The following ASTN2 variants were observed in gnomAD, a reference collection of about 807,000 sequenced individuals.
The protein encoded by ASTN2 is astrotactin-2.
A neutral mutation model predicts 139.8 loss-of-function variants in ASTN2; 54 were observed. The observed-to-expected ratio is 0.39, with a 90% confidence interval of 0.31 to 0.48. The LOEUF (loss-of-function observed/expected upper bound fraction) is 0.48. Among genes scored for constraint, ASTN2 ranks in the 20% least tolerant of loss-of-function variants. ASTN2 has a pLI of 0.95. For missense variants in ASTN2, 1,565 were observed against 1,725.1 expected, an observed-to-expected ratio of 0.91 and a Z score of 1.64; for synonymous variants, 756 against 719.5, an observed-to-expected ratio of 1.05 and a Z score of -0.81.
chr9:116,621,879 A>G (rs1856174384), intron 17 of ASTN2, among the ~76,000 whole-genome samples: 1 of 152,196 alleles, frequency 6.6e-6, no homozygotes. Flanking sequence ...TTGGGCTCTG[A>G]TGTAGAAGAT....
At chr9:116,855,103 A>C (rs1411810451) in intron 11 of ASTN2, among the ~76,000 whole-genome samples, 1 of 152,180 alleles carries the variant, frequency 6.6e-6, no homozygotes, top group Non-Finnish European at 1.5e-5. Context: ...AGACCCAGCA[A>C]ATCCAAGTCC....
chr9:116,664,331 T>C (rs1858737099), intron 16 of ASTN2, among the ~76,000 whole-genome samples: 2 of 151,500 alleles, frequency 1.3e-5, no homozygotes, highest in Admixed American at 1.3e-4. Context: ...TCCACCCTCC[T>C]TGGCCTCCCA....
At chr9:117,288,089 C>A (rs941835640) in intron 2 of ASTN2, among the ~76,000 whole-genome samples, 2 of 152,174 alleles carry the variant, frequency 1.3e-5, no homozygotes, top group East Asian at 3.8e-4. Flanking sequence ...CTGCATCCTG[C>A]CACCTGCACA....
At position 117,082,517 on chromosome 9, in the gene ASTN2, C is replaced by T. The variant is rs139935376; in HGVS notation, c.1276+13527G>A. On this transcript the variant is annotated intron_variant, in intron 5 of 22. Coordinates refer to ENST00000313400, the MANE Select transcript of ASTN2 (RefSeq NM_001365068.1). ...TGTAGAAAGTGTGATCTTCCTAAAACAGAAATGAAATAATAGATCCCTTCC... is the reference window on the plus strand; with the variant it reads ...TGTAGAAAGTGTGATCTTCCTAAAATAGAAATGAAATAATAGATCCCTTCC... Among the ~76,000 whole-genome samples the T allele has an allele frequency of 3.4e-3, 515 of 152,302 alleles. 1 individual carries two copies. The highest frequency in any genetic ancestry group is 0.012 in the African/African-American group (489 of 41,572).
At chr9:117,148,059 A>T (rs1444608676) in intron 3 of ASTN2, among the ~76,000 whole-genome samples, 1 of 152,086 alleles carries the variant, frequency 6.6e-6, no homozygotes, top group Admixed American at 6.6e-5. Context: ...ATGCCAGTGG[A>T]CCCTTGCTCA....
chr9:116,553,391 GT>G (rs1383190107), intron 19 of ASTN2, among the ~76,000 whole-genome samples: 1 of 152,132 alleles, frequency 6.6e-6, no homozygotes. Flanking sequence ...GTCACTGCTT[GT>G]TTTCCTTAAC....
chr9:116,632,816 T>G (rs1274689449), intron 17 of ASTN2, among the ~76,000 whole-genome samples: 1 of 152,232 alleles, frequency 6.6e-6, no homozygotes, highest in African/African-American at 2.4e-5. Flanking sequence ...TGACAACATA[T>G]CTGTTAGTGG....
intron 2 of ASTN2, among the ~76,000 whole-genome samples, chr9:117,246,114 A>G (rs1022383787): frequency 2.6e-5 from 4 of 151,422 alleles, no homozygotes; most frequent in African/African-American, 9.7e-5. Flanking sequence ...CACTGAACTA[A>G]GAGGCAAAAG....
intron 13 of ASTN2, among the ~76,000 whole-genome samples, chr9:116,774,400 T>C (rs1394205592): frequency 1.3e-5 from 2 of 152,182 alleles, no homozygotes; most frequent in Non-Finnish European, 2.9e-5. Flanking sequence ...AAGTAAGCTA[T>C]TTGGGAGTGG....
chr9:116,850,979 C>T (rs895158710), intron 11 of ASTN2, among the ~76,000 whole-genome samples: 1 of 152,178 alleles, frequency 6.6e-6, no homozygotes, highest in African/African-American at 2.4e-5. Flanking sequence ...ACTATGGACT[C>T]TTTGCTAGTT....
intron 19 of ASTN2, among the ~76,000 whole-genome samples, chr9:116,529,193 C>T (rs1851219319): frequency 1.3e-5 from 2 of 152,074 alleles, no homozygotes; most frequent in Admixed American, 6.6e-5. Flanking sequence ...GGGGGCTTAC[C>T]CTGCAGAGCC....
At chr9:117,089,717 T>C (rs531729383) in intron 5 of ASTN2, among the ~76,000 whole-genome samples, 1 of 145,794 alleles carries the variant, frequency 6.9e-6, no homozygotes, top group Non-Finnish European at 1.5e-5. Flanking sequence ...GTCCATTGTA[T>C]TCTTCTTATG....
In ASTN2 at chr9:117,128,353, C is replaced by A. The variant is rs139444002; in HGVS notation, c.1168+12973G>T. Reference sequence around the variant, plus strand: ...CCATCACTGCACTCCAGCCTGGTGACAGAGTGAGACACTGTCTCAAAAAAA... The same window carrying A: ...CCATCACTGCACTCCAGCCTGGTGAAAGAGTGAGACACTGTCTCAAAAAAA... On this transcript the variant is annotated intron_variant, in intron 4 of 22. Coordinates refer to ENST00000313400, the MANE Select transcript of ASTN2 (RefSeq NM_001365068.1). Among the ~76,000 whole-genome samples the A allele has an allele frequency of 3.9e-3, 412 of 106,470 alleles. 8 individuals are homozygous for A. The East Asian group carries it at 0.074, about 19-fold the overall frequency. 69.8% of individuals were successfully genotyped at this position (106,470 alleles called of 152,430 possible). A position where few individuals can be genotyped will look rare whatever the true frequency, so the allele number is the denominator to read the frequency against.
At chr9:117,042,985 C>G (rs1228234012) in intron 5 of ASTN2, among the ~76,000 whole-genome samples, 1 of 152,120 alleles carries the variant, frequency 6.6e-6, no homozygotes, top group Non-Finnish European at 1.5e-5. Context: ...ATTCTCCTGC[C>G]TCAGCCTCCC....
rs1191069530 is a variant in ASTN2 at position 117,092,233 on chromosome 9, TG to T, written c.1276+3810del. ...TATTGTGTCTTTCTTCTCCCAAAGC[TG>T]GGATAATCTGAAACGCTCAGTTCAA... On this transcript the variant is annotated intron_variant, in intron 5 of 22. Transcript: ENST00000313400. 4.6e-5 allele frequency among the ~76,000 whole-genome samples: 7 copies of T among 152,256 alleles called. No individual in the cohort carries two copies. The East Asian group carries it at 1.4e-3, about 29-fold the overall frequency.
chr9:117,330,090 C>T (rs1336093496), intron 1 of ASTN2, among the ~76,000 whole-genome samples: 3 of 152,170 alleles, frequency 2.0e-5, no homozygotes, highest in African/African-American at 4.8e-5. Context: ...CATCTGAGGA[C>T]TTGCTTCTCT....
intron 1 of ASTN2, among the ~76,000 whole-genome samples, chr9:117,365,859 T>C (rs574201611): frequency 5.2e-4 from 79 of 152,278 alleles, no homozygotes; most frequent in African/African-American, 1.8e-3. Context: ...GGAGGTATCT[T>C]AGGCAGGCCA....
rs192766029 is a variant in ASTN2 at position 117,040,472 on chromosome 9, T to C, written c.1277-507A>G. 2.9e-3 allele frequency among the ~76,000 whole-genome samples: 436 copies of C among 152,338 alleles called. 2 individuals carry two copies. The highest frequency in any genetic ancestry group is 0.01 in the African/African-American group (422 of 41,584). ...AGTTTCTTTCTTTCTTTTTCTTTTT[T>C]GTTTGAGGCGGAGTCTCGCTTTGTC... On this transcript the variant is annotated intron_variant, in intron 5 of 22. Coordinates refer to ENST00000313400, the MANE Select transcript of ASTN2 (RefSeq NM_001365068.1).
chr9:116,473,937 T>C (rs1406727199), intron 20 of ASTN2, among the ~76,000 whole-genome samples: 1 of 152,038 alleles, frequency 6.6e-6, no homozygotes, highest in Non-Finnish European at 1.5e-5. Context: ...AAAGATCTTA[T>C]ATGTACTTGG....
Sources: allele counts gnomAD v4.1 joint callset (sites outside exome capture counted in the v4.1 genomes callset), GRCh38; gene constraint gnomAD v4.1.1; transcripts MANE v1.5; gene names NCBI Gene and HGNC (gene_info 2026-07-23, HGNC 2026-07-21).